UVSSA: variants seen among roughly 807,000 people sequenced by gnomAD.
The protein encoded by UVSSA is UV stimulated scaffold protein A, also known as UV-stimulated scaffold protein A.
In UVSSA, 72 loss-of-function variants were observed where a neutral mutation model predicts 73.9. The observed-to-expected ratio is 0.97, with a 90% CI of 0.81 to 1.19. UVSSA has a LOEUF of 1.19. Among genes scored for constraint, UVSSA ranks in the 50% most tolerant of loss-of-function variants. The pLI, the probability that UVSSA is intolerant of heterozygous loss-of-function variation, is 0.00. For synonymous variants in UVSSA, 454 were observed against 391.3 expected, an observed-to-expected ratio of 1.16 and a Z score of -1.89; for missense variants, 1,150 against 965.0, an observed-to-expected ratio of 1.19 and a Z score of -2.54.
chr4:1,354,692 G>A lies in UVSSA; in HGVS notation c.935-43G>A, dbSNP rs200303802. 7.9e-5 allele frequency: 125 copies of A among 1,577,634 alleles called. No individual in the cohort carries two copies. In the East Asian group the frequency reaches 1.9e-3, roughly 24 times the overall value. On this transcript the variant is annotated intron_variant, in intron 5 of 13. Coordinates refer to ENST00000389851, the MANE Select transcript of UVSSA (RefSeq NM_020894.4). Reference sequence around the variant, plus strand: ...TGCCTCTCCGGGGCCTGTGGGAGACGCCAGTCGGCGCCCTCTTGTGACCTC... The same window carrying A: ...TGCCTCTCCGGGGCCTGTGGGAGACACCAGTCGGCGCCCTCTTGTGACCTC...
chr4:1,362,721 G>T (rs1420161242), intron 7 of UVSSA, among the ~76,000 whole-genome samples: 3 of 152,192 alleles, frequency 2.0e-5, no homozygotes, highest in Non-Finnish European at 4.4e-5. Context: ...GTCACCACTT[G>T]ATGATTTGAC....
rs549301814 is a variant in UVSSA at position 1,348,315 on chromosome 4, G to C, written c.98+126G>C. 2.2e-5 allele frequency: 16 copies of C among 740,372 alleles called. No individual in the cohort carries two copies. In the Admixed American group the frequency reaches 3.9e-4, roughly 18 times the overall value. The allele number at this position is 740,372 out of a possible 1,614,324, so 45.9% of individuals were successfully genotyped here. On this transcript the variant is annotated intron_variant, in intron 2 of 13. Transcript: ENST00000389851. The stretch of plus-strand genomic sequence containing the variant: ...AGGGACACACCCAGGACATTTTCTC[G>C]GGGCCCTGCAGTACCCGGCTCTGAC...
chr4:1,362,998 G>A (rs1716858317), intron 7 of UVSSA, among the ~76,000 whole-genome samples: 1 of 152,192 alleles, frequency 6.6e-6, no homozygotes, highest in Non-Finnish European at 1.5e-5. Context: ...GTGCGTCTGT[G>A]GGTTTCAGAC....
At chr4:1,364,398 T>A (rs1717040436) in intron 7 of UVSSA, among the ~76,000 whole-genome samples, 1 of 151,530 alleles carries the variant, frequency 6.6e-6, no homozygotes, top group East Asian at 1.9e-4. Context: ...GGGGCTGGGC[T>A]TGGAGCCGCA....
At position 1,395,694 on chromosome 4, in the gene UVSSA, G is replaced by A. The variant is rs138375760; in HGVS notation, c.*9733G>A. 2.3e-4 allele frequency: 376 copies of A among 1,613,976 alleles called. 1 individual carries two copies. The African/African-American group carries it at 2.5e-3, about 11-fold the overall frequency. On this transcript the variant is annotated 3_prime_UTR_variant, in exon 14 of 14. Transcript: ENST00000511216. Reference sequence around the variant, plus strand: ...ACACACGTGCCCATGTGGAGTGCCCGCCTGCTCACACAAAGCCCTGGCATG... The same window carrying A: ...ACACACGTGCCCATGTGGAGTGCCCACCTGCTCACACAAAGCCCTGGCATG...
At chr4:1,385,653 C>T (rs888433320) in intron 13 of UVSSA, 1 of 586,068 alleles carries the variant, frequency 1.7e-6, no homozygotes, top group African/African-American at 1.9e-5. Context: ...GCTTCTGGGA[C>T]CTGGGGCGGC....
chr4:1,395,569 T>A (rs778701454), exon 14 of UVSSA: 2 of 1,584,976 alleles, frequency 1.3e-6, no homozygotes, highest in Non-Finnish European at 8.6e-7. Context: ...AGTGCCCGCC[T>A]GCTCACACGT....
Position 1,376,167 on chromosome 4 carries a change from A to G in UVSSA, c.1567A>G (p.Lys523Glu). 2 of 1,609,350 alleles carry G rather than the reference A, an allele frequency of 1.2e-6. No individual in the cohort carries two copies. The highest frequency in any genetic ancestry group is 1.7e-4 in the Middle Eastern group (1 of 6,046). ...GCTCCCCACAGCCGGGAAGATTGTC[A>G]AGTGAGTCCCCATGTGTCTGAAGTC... is the stretch of plus-strand genomic sequence containing the variant. ...QELPTAGKIVKSDSQHRFWKP... is the reference protein window; with the variant it reads ...QELPTAGKIVESDSQHRFWKP... Residue 523 changes from lysine to glutamate, a missense_variant and splice_region_variant, in exon 10 of 14, where the codon AAG (lysine) becomes GAG (glutamate). Coordinates refer to ENST00000389851, the MANE Select transcript of UVSSA (RefSeq NM_020894.4).
At chr4:1,378,517 C>T (rs1390746941) in intron 10 of UVSSA, among the ~76,000 whole-genome samples, 5 of 152,182 alleles carry the variant, frequency 3.3e-5, no homozygotes, top group Non-Finnish European at 7.3e-5. Context: ...CACCATCACA[C>T]TCCAGCCTGG....
chr4:1,361,123 A>G lies in UVSSA; in HGVS notation c.1177-5197A>G, dbSNP rs1427342967. On this transcript the variant is annotated intron_variant, in intron 7 of 13. Transcript: ENST00000389851. ...AGGCAGCCCCGGGGACCCAGCAGAA[A>G]TTTTGCCCCTAGCCTAGCTCTGGAA... is the stretch of plus-strand genomic sequence containing the variant. 3.9e-5 allele frequency among the ~76,000 whole-genome samples: 6 copies of G among 152,198 alleles called. No individual in the cohort carries two copies. In the East Asian group the frequency reaches 1.2e-3, roughly 29 times the overall value.
exon 14 of UVSSA, chr4:1,394,589 A>G (rs1720477553): frequency 7.3e-6 from 11 of 1,503,186 alleles, no homozygotes; most frequent in Non-Finnish European, 9.0e-6. Context: ...CCGCCTGCTC[A>G]TGTGCCCATG....
chr4:1,371,460 G>A (rs1446310541), intron 8 of UVSSA, among the ~76,000 whole-genome samples: 2 of 152,126 alleles, frequency 1.3e-5, no homozygotes, highest in Admixed American at 6.6e-5. Context: ...TCAGTTCCGC[G>A]TGTGTGTTGG....
chr4:1,395,771 A>G (rs1310985621), exon 14 of UVSSA: 1 of 1,614,236 alleles, frequency 6.2e-7, no homozygotes, highest in Non-Finnish European at 8.5e-7. Context: ...CTGTTACCGT[A>G]CATTCTACTC....
chr4:1,345,600 G>C (rs1161388481), upstream of UVSSA, among the ~76,000 whole-genome samples: 4 of 139,366 alleles, frequency 2.9e-5, no homozygotes, highest in African/African-American at 8.5e-5. Flanking sequence ...AACCGCGATC[G>C]TGCCACTGCA....
At chr4:1,391,001 T>A (rs888427636), downstream of UVSSA, 3 of 152,636 alleles carry the variant, frequency 2.0e-5, no homozygotes, top group African/African-American at 7.3e-5. Flanking sequence ...GTCTCATTGG[T>A]TTGTAGTGTT....
intron 11 of UVSSA, 35 bp from the exon 12 acceptor site, chr4:1,380,845 T>G (rs1231335379): frequency 1.8e-5 from 28 of 1,598,814 alleles, no homozygotes; most frequent in Non-Finnish European, 2.4e-5. Flanking sequence ...AGCGGACCCC[T>G]CCCCGCCATC....
intron 7 of UVSSA, chr4:1,366,036 C>T (rs1717279064): frequency 4.1e-6 from 1 of 245,964 alleles, no homozygotes; most frequent in Non-Finnish European, 7.8e-6. Flanking sequence ...GAGGGCAGCA[C>T]CTCCCACAGG....
chr4:1,391,359 TG>T (rs976031677), downstream of UVSSA: 3 of 152,302 alleles, frequency 2.0e-5, no homozygotes, highest in African/African-American at 7.2e-5. Context: ...GTTTGTAGTC[TG>T]ATTGTTTATG....
intron 7 of UVSSA, among the ~76,000 whole-genome samples, chr4:1,357,525 G>C (rs1715960659): frequency 6.6e-6 from 1 of 152,252 alleles, no homozygotes; most frequent in South Asian, 2.1e-4. Context: ...AGCTCGGCCT[G>C]CTTGGGTGAG....
Sources: allele counts gnomAD v4.1 joint callset (sites outside exome capture counted in the v4.1 genomes callset), GRCh38; gene constraint gnomAD v4.1.1; transcripts MANE v1.5; gene names NCBI Gene and HGNC (gene_info 2026-07-23, HGNC 2026-07-21).